TBC1D4: variants seen among roughly 807,000 people sequenced by gnomAD.
TBC1D4 encodes TBC (Tre-2, BUB2, CDC16) domain-containing protein.
In TBC1D4, 121 loss-of-function variants were observed where a neutral mutation model predicts 142.5. The observed-to-expected ratio is 0.85, with a 90% confidence interval of 0.73 to 0.99. TBC1D4 has a LOEUF of 0.99. Among genes scored for constraint, TBC1D4 ranks in the 50% least tolerant of loss-of-function variants. The pLI is 0.00. For missense variants in TBC1D4, 1,475 were observed against 1,606.6 expected, an observed-to-expected ratio of 0.92 and a Z score of 1.40; for synonymous variants, 630 against 628.2, an observed-to-expected ratio of 1.00 and a Z score of -0.04.
intron 11 of TBC1D4, among the ~76,000 whole-genome samples, chr13:75,323,893 A>G (rs939320190): frequency 6.6e-6 from 1 of 152,186 alleles, no homozygotes; most frequent in African/African-American, 2.4e-5. Flanking sequence ...CAAGGAAAAA[A>G]AAAGGCACAA....
chr13:75,366,339 G>A (rs1882907373), intron 1 of TBC1D4, among the ~76,000 whole-genome samples: 1 of 152,194 alleles, frequency 6.6e-6, no homozygotes, highest in African/African-American at 2.4e-5. Flanking sequence ...AGAGCAAAGT[G>A]AATGGGGGAA....
intron 1 of TBC1D4, among the ~76,000 whole-genome samples, chr13:75,398,495 T>C (rs1316157188): frequency 6.6e-6 from 1 of 152,140 alleles, no homozygotes; most frequent in Non-Finnish European, 1.5e-5. Flanking sequence ...ACTGTTGTAA[T>C]GTACACAACA....
chr13:75,320,695 T>C (rs1878677286), intron 11 of TBC1D4, among the ~76,000 whole-genome samples: 1 of 151,934 alleles, frequency 6.6e-6, no homozygotes, highest in Non-Finnish European at 1.5e-5. Context: ...GGATGCCTAA[T>C]CTGAATTTAA....
intron 1 of TBC1D4, among the ~76,000 whole-genome samples, chr13:75,424,291 AGAAAG>A (rs1886287304): frequency 2.3e-5 from 1 of 44,172 alleles, no homozygotes; most frequent in South Asian, 1.2e-3. Context: ...AAAAAAAGAA[AGAAAG>A]AAAAGAAAAA....
intron 12 of TBC1D4, 137 bp from the exon 13 acceptor site, chr13:75,313,035 C>T (rs1877946126): frequency 1.1e-6 from 1 of 903,074 alleles, no homozygotes; most frequent in Non-Finnish European, 1.8e-6. Context: ...AGCAATGCAT[C>T]ACCAGGCACA....
At chr13:75,331,736 TA>T (rs1424202902) in intron 8 of TBC1D4, among the ~76,000 whole-genome samples, 11 of 150,088 alleles carry the variant, frequency 7.3e-5, no homozygotes, top group African/African-American at 2.4e-4. Context: ...TCCTATTTCA[TA>T]AACAACTATA....
At chr13:75,477,652 T>A (rs1219069814) in intron 1 of TBC1D4, among the ~76,000 whole-genome samples, 1 of 152,356 alleles carries the variant, frequency 6.6e-6, no homozygotes, top group Admixed American at 6.5e-5. Flanking sequence ...TAAAATAACT[T>A]TTTAACAGAA....
Position 75,460,944 on chromosome 13 carries a change from A to C in TBC1D4, c.498+20326T>G, listed in dbSNP as rs189878916. On this transcript the variant is annotated intron_variant, in intron 1 of 20. Transcript: ENST00000377636. ...CTTCAAAAAAACAACAAAAAAGGAG[A>C]GAGATAAGGAATGAAGTAAATGGTT... Among the ~76,000 whole-genome samples, 7 of 152,182 alleles carry C rather than the reference A, an allele frequency of 4.6e-5. No individual in the cohort carries two copies. The East Asian group carries it at 1.4e-3, about 29-fold the overall frequency.
Position 75,387,864 on chromosome 13 carries a change from A to G in TBC1D4, c.499-25257T>C, listed in dbSNP as rs1884265576. 3.9e-5 allele frequency among the ~76,000 whole-genome samples: 6 copies of G among 152,322 alleles called. No homozygotes were observed. In the South Asian group the frequency reaches 1.2e-3, roughly 32 times the overall value. ...CTTTCTGTTACTGCCTTAATAAAGT[A>G]CCACAAACTTCATTTATTACCTTAC... is the stretch of plus-strand genomic sequence containing the variant. On this transcript the variant is annotated intron_variant, in intron 1 of 20. Coordinates refer to ENST00000377636, the MANE Select transcript of TBC1D4 (RefSeq NM_014832.5).
intron 4 of TBC1D4, among the ~76,000 whole-genome samples, chr13:75,350,631 C>T (rs981070113): frequency 1.3e-5 from 2 of 152,126 alleles, no homozygotes; most frequent in Non-Finnish European, 2.9e-5. Flanking sequence ...GCTATTTGTG[C>T]AGATGTTCCT....
chr13:75,411,094 C>T lies in TBC1D4; in HGVS notation c.499-48487G>A, dbSNP rs944481232. Among the ~76,000 whole-genome samples, 10 of 152,056 alleles carry T rather than the reference C, an allele frequency of 6.6e-5. No homozygotes were observed. The East Asian group carries it at 7.7e-4, about 12-fold the overall frequency. ...AAAAGCCGAAAGAACCCAAACGTTA[C>T]GCCATATATTTTCCAACAAATGGTT... On this transcript the variant is annotated intron_variant, in intron 1 of 20. Coordinates refer to ENST00000377636, the MANE Select transcript of TBC1D4 (RefSeq NM_014832.5).
chr13:75,376,230 C>T (rs1883497414), intron 1 of TBC1D4, among the ~76,000 whole-genome samples: 1 of 152,174 alleles, frequency 6.6e-6, no homozygotes, highest in Non-Finnish European at 1.5e-5. Context: ...ATCTTATGAT[C>T]AACCTTCAAA....
At chr13:75,413,097 G>A (rs1885747076) in intron 1 of TBC1D4, among the ~76,000 whole-genome samples, 1 of 152,148 alleles carries the variant, frequency 6.6e-6, no homozygotes, top group African/African-American at 2.4e-5. Context: ...GGTGCCATCG[G>A]AGCACATAAA....
intron 1 of TBC1D4, among the ~76,000 whole-genome samples, chr13:75,444,038 A>C (rs999653768): frequency 6.6e-6 from 1 of 152,142 alleles, no homozygotes; most frequent in South Asian, 2.1e-4. Context: ...AACTGCTGAT[A>C]TTGGATATAC....
intron 7 of TBC1D4, among the ~76,000 whole-genome samples, chr13:75,339,129 T>C (rs1202196445): frequency 6.6e-6 from 1 of 152,242 alleles, no homozygotes; most frequent in Non-Finnish European, 1.5e-5. Flanking sequence ...GTATTTGGTT[T>C]CACATTGGTT....
At chr13:75,436,482 C>A (rs986268767) in intron 1 of TBC1D4, among the ~76,000 whole-genome samples, 2 of 151,802 alleles carry the variant, frequency 1.3e-5, no homozygotes, top group Non-Finnish European at 2.9e-5. Flanking sequence ...ATGGTGAAAC[C>A]CCATCTCTAC....
chr13:75,296,400 T>C (rs1875932009), intron 17 of TBC1D4, among the ~76,000 whole-genome samples: 1 of 152,204 alleles, frequency 6.6e-6, no homozygotes, highest in African/African-American at 2.4e-5. Context: ...AAGCACACTG[T>C]TCTTGTTCAC....
chr13:75,335,785 G>C (rs556049436), intron 8 of TBC1D4, among the ~76,000 whole-genome samples: 53 of 152,226 alleles, frequency 3.5e-4, no homozygotes, highest in African/African-American at 1.2e-3. Context: ...GCTTCCTGAG[G>C]TCTCTCCAGA....
chr13:75,429,125 A>G (rs1049083148), intron 1 of TBC1D4, among the ~76,000 whole-genome samples: 2 of 152,240 alleles, frequency 1.3e-5, no homozygotes, highest in African/African-American at 2.4e-5. Flanking sequence ...CTTTTTAAGT[A>G]TTAAAACCAC....
Sources: gnomAD v4.1 joint callset for allele counts (sites outside exome capture counted in the v4.1 genomes callset) on GRCh38, gnomAD v4.1.1 for gene constraint, MANE v1.5 for transcripts, NCBI Gene and HGNC (gene_info 2026-07-23, HGNC 2026-07-21) for gene names.